Variants in CD302 observed in about 807,000 individuals in gnomAD.
The protein encoded by CD302 is CD302 antigen.
Under a neutral mutation model 26.5 loss-of-function variants are expected in CD302, and 23 were observed. The ratio of observed to expected loss-of-function variants is 0.87; its 90% CI spans 0.62 to 1.23. The LOEUF (loss-of-function observed/expected upper bound fraction) is 1.23. Among genes scored for constraint, CD302 ranks in the 50% most tolerant of loss-of-function variants. The probability of loss-of-function intolerance (pLI) is 0.00; values close to 1 mark genes in which losing one functional copy is unlikely to be tolerated. For synonymous variants in CD302, 90 were observed against 99.4 expected (o/e 0.91, Z 0.56); for missense variants, 290 against 275.5 (o/e 1.05, Z -0.37).
At chr2:159,786,374 C>A (rs1708665968) in intron 1 of CD302, among the ~76,000 whole-genome samples, 2 of 148,086 alleles carry the variant, frequency 1.4e-5, no homozygotes, top group Admixed American at 1.4e-4. Flanking sequence ...CACTCTGTCG[C>A]CCAGGCTGGA....
intron 1 of CD302, among the ~76,000 whole-genome samples, chr2:159,794,960 C>T (rs1055244558): frequency 6.6e-6 from 1 of 151,754 alleles, no homozygotes; most frequent in Non-Finnish European, 1.5e-5. Flanking sequence ...CACGGTGGCT[C>T]ACACCTGTAA....
intron 1 of CD302, among the ~76,000 whole-genome samples, chr2:159,790,191 TG>T (rs972561043): frequency 3.3e-5 from 5 of 152,154 alleles, no homozygotes; most frequent in African/African-American, 9.7e-5. Flanking sequence ...ACACTTGAAG[TG>T]GTCAGTCTGA....
intron 1 of CD302, among the ~76,000 whole-genome samples, chr2:159,790,234 G>A (rs950010783): frequency 1.3e-5 from 2 of 152,200 alleles, no homozygotes; most frequent in Admixed American, 1.3e-4. Flanking sequence ...CAGATATTCC[G>A]AAGGTAGGAT....
intron 1 of CD302, among the ~76,000 whole-genome samples, chr2:159,789,146 T>A (rs1371212331): frequency 7.0e-6 from 1 of 142,358 alleles, no homozygotes; most frequent in South Asian, 2.4e-4. Context: ...GCCTCCTGAG[T>A]AGACAGGATG....
rs1047363728 is a variant in CD302 at position 159,770,118 on chromosome 2, T to G, written c.*1733A>C. ...TTTAGAACTCTTTTAGTTCACATAA[T>G]ACGCCATATTTTTTTTACTGTGCCT... On this transcript the variant is annotated 3_prime_UTR_variant, in exon 6 of 6. Coordinates refer to ENST00000259053, the MANE Select transcript of CD302 (RefSeq NM_014880.5). 1 of 118,550 alleles carries G rather than the reference T, an allele frequency of 8.4e-6. No individual in the cohort carries two copies. The highest frequency in any genetic ancestry group is 4.3e-5 in the African/African-American group (1 of 23,212). The allele number at this position is 118,550 out of a possible 1,614,324, so 7.3% of individuals were successfully genotyped here.
intron 5 of CD302, among the ~76,000 whole-genome samples, chr2:159,772,996 T>C (rs1188197478): frequency 2.0e-5 from 3 of 151,876 alleles, no homozygotes; most frequent in African/African-American, 4.8e-5. Context: ...GGTGTGAGGG[T>C]GGATTTGGTG....
chr2:159,797,695 A>C (rs1414722338), intron 1 of CD302, among the ~76,000 whole-genome samples: 1 of 151,984 alleles, frequency 6.6e-6, no homozygotes, highest in Non-Finnish European at 1.5e-5. Flanking sequence ...TCCGGCCCCC[A>C]CCCCCATCCC....
At chr2:159,778,430 A>T (rs1018447972) in intron 4 of CD302, among the ~76,000 whole-genome samples, 3 of 152,230 alleles carry the variant, frequency 2.0e-5, no homozygotes, top group African/African-American at 7.2e-5. Context: ...CCAATTTTTT[A>T]AAAAACAAAT....
chr2:159,792,876 C>G (rs893658340), intron 1 of CD302, among the ~76,000 whole-genome samples: 1 of 152,112 alleles, frequency 6.6e-6, no homozygotes. Flanking sequence ...ACATGGAACC[C>G]CTTTTCTCAT....
chr2:159,778,477 G>A (rs1397683207), intron 4 of CD302, among the ~76,000 whole-genome samples: 6 of 152,236 alleles, frequency 3.9e-5, no homozygotes, highest in South Asian at 4.1e-4. Context: ...AAACTATGAC[G>A]AACATTTTGA....
intron 1 of CD302, among the ~76,000 whole-genome samples, chr2:159,783,684 T>C (rs11894353): frequency 0.074 from 11,323 of 152,256 alleles, 867 homozygotes; most frequent in African/African-American, 0.19. Context: ...AATGATTCTC[T>C]TCTGACTTTA....
In CD302 at chr2:159,769,150, AT is replaced by A. The variant is rs990686777; in HGVS notation, c.*2700del. ...ATACACTGCTCACTACAAGAATGCA[AT>A]TTTCTAAGAAAATGTAGTTTAAAAT... On this transcript the variant is annotated 3_prime_UTR_variant, in exon 6 of 6. Transcript: ENST00000259053. 2.0e-5 allele frequency: 3 copies of A among 152,214 alleles called. No individual in the cohort carries two copies. The highest frequency in any genetic ancestry group is 4.4e-5 in the Non-Finnish European group (3 of 68,030). 9.4% of individuals were successfully genotyped at this position (152,214 alleles called of 1,614,324 possible).
rs1475610801 is a variant in CD302, at chr2:159,798,204, C to G, written c.-6G>C. On this transcript the variant is annotated 5_prime_UTR_variant, in exon 1 of 6. Transcript: ENST00000259053. ...GGCAGCGCGGCCCGGAGCATGACGGCGGGTGCGGGTGGGCGGCAGCGGCTG... is the reference window on the plus strand; with the variant it reads ...GGCAGCGCGGCCCGGAGCATGACGGGGGGTGCGGGTGGGCGGCAGCGGCTG... 7.1e-7 allele frequency: 1 copy of G among 1,417,734 alleles called. No homozygotes were observed. 87.8% of individuals were successfully genotyped at this position (1,417,734 alleles called of 1,614,324 possible).
rs541955797 is a variant in CD302, at chr2:159,791,820, T to C, written c.67+6312A>G. On this transcript the variant is annotated intron_variant, in intron 1 of 5. Coordinates refer to ENST00000259053, the MANE Select transcript of CD302 (RefSeq NM_014880.5). ...TATCTGAGGGGGTGCTGTTAAAAAA[T>C]TGTGCAAGGTGCTTGAGATTCCACA... Among the ~76,000 whole-genome samples the C allele has an allele frequency of 2.6e-5, 4 of 152,226 alleles. No homozygotes were observed. In the South Asian group the frequency reaches 8.3e-4, roughly 32 times the overall value.
intron 2 of CD302, among the ~76,000 whole-genome samples, chr2:159,783,147 G>A (rs1330306012): frequency 1.3e-5 from 2 of 152,170 alleles, no homozygotes; most frequent in African/African-American, 4.8e-5. Context: ...CCCTGCTTTG[G>A]ACAATATTGT....
chr2:159,792,429 TGTGTGTGTGTGTGTG>T, intron 1 of CD302, among the ~76,000 whole-genome samples: 1 of 21,992 alleles, frequency 4.5e-5, no homozygotes, highest in African/African-American at 5.3e-4. Context: ...ACTCTGTGTG[TGTGTGTGTGTGTGTG>T]TGTGTGTGTG....
Position 159,783,344 on chromosome 2 carries a change from G to A in CD302, c.178+15C>T. On this transcript the variant is annotated intron_variant, in intron 2 of 5. Coordinates refer to ENST00000259053, the MANE Select transcript of CD302 (RefSeq NM_014880.5). ...AATTTGTGAAAAAACAAACAGAAAA[G>A]AATAAGCCTTTTACCATGGTCAGTA... is the stretch of plus-strand genomic sequence containing the variant. 1 of 1,558,114 alleles carries A rather than the reference G, an allele frequency of 6.4e-7. No homozygotes were observed. Among genetic ancestry groups the A allele is most frequent in the Non-Finnish European group, 8.6e-7 (1 of 1,159,054 alleles).
In CD302 at chr2:159,783,351, C is replaced by A; in HGVS notation, c.178+8G>T. The stretch of plus-strand genomic sequence containing the variant: ...GAAAAAACAAACAGAAAAGAATAAG[C>A]CTTTTACCATGGTCAGTACACTGAT... On this transcript the variant is annotated splice_region_variant and intron_variant, in intron 2 of 5. Transcript: ENST00000259053. The A allele has an allele frequency of 6.4e-7, 1 of 1,570,692 alleles. No homozygotes were observed. Among genetic ancestry groups the A allele is most frequent in the Non-Finnish European group, 8.6e-7 (1 of 1,165,586 alleles).
chr2:159,780,224 A>C (rs1560044385), intron 3 of CD302, 46 bp from the exon 4 acceptor site: 2 of 1,595,408 alleles, frequency 1.3e-6, no homozygotes, highest in South Asian at 2.3e-5. Flanking sequence ...TTTTAAAAGG[A>C]GTTCAAGCCA....
Sources: allele counts gnomAD v4.1 joint callset (sites outside exome capture counted in the v4.1 genomes callset), GRCh38; gene constraint gnomAD v4.1.1; transcripts MANE v1.5; gene names NCBI Gene and HGNC (gene_info 2026-07-23, HGNC 2026-07-21).